KIAA1210: variants seen among roughly 807,000 people sequenced by gnomAD.
KIAA1210 encodes acrosomal protein KIAA1210.
A neutral mutation model predicts 78.9 loss-of-function variants in KIAA1210; 48 were observed. The observed-to-expected ratio is 0.61, with a 90% CI of 0.48 to 0.77. The LOEUF (loss-of-function observed/expected upper bound fraction) is 0.77. Among genes scored for constraint, KIAA1210 ranks in the 30% least tolerant of loss-of-function variants. The pLI is 0.00. For missense variants in KIAA1210, 1,108 were observed against 1,100.0 expected (o/e 1.01, Z -0.10); for synonymous variants, 406 against 404.5 (o/e 1.00, Z -0.04).
intron 2 of KIAA1210, among the ~76,000 whole-genome samples, chrX:119,145,329 C>T (rs949424351): frequency 2.0e-4 from 22 of 110,667 alleles, no homozygotes. Flanking sequence ...TGTTTAGCCG[C>T]GTCCCTGGGC....
intron 2 of KIAA1210, among the ~76,000 whole-genome samples, chrX:119,143,137 C>A (rs977718079): frequency 1.8e-5 from 2 of 112,625 alleles, no homozygotes; most frequent in African/African-American, 6.5e-5. Flanking sequence ...TGCTAATGAC[C>A]TGTGTTCCCT....
intron 2 of KIAA1210, among the ~76,000 whole-genome samples, chrX:119,121,946 T>C (rs1928474603): frequency 9.4e-6 from 1 of 106,906 alleles, no homozygotes; most frequent in African/African-American, 3.3e-5. Flanking sequence ...TTTTTTGTAT[T>C]TTTAATAGAG....
rs748816181 is a variant in KIAA1210 at position 119,086,596 on chromosome X, C to T, written c.4106G>A (p.Arg1369Lys). Residue 1369 changes from arginine to lysine, a missense_variant, in exon 9 of 12, where the codon AGG becomes AAG. This residue lies in a region of KIAA1210 where 245 missense variants were observed against 278.8 expected (regional missense o/e 0.88). Coordinates refer to ENST00000691062, the MANE Select transcript of KIAA1210 (RefSeq NM_001394962.1). ...CTTGGCCATGCTTTCAGATTTGGGCCTGCTCTGTTGCTTATCTGCAACGTA... is the reference window on the plus strand; with the variant it reads ...CTTGGCCATGCTTTCAGATTTGGGCTTGCTCTGTTGCTTATCTGCAACGTA... ...ISYVADKQQS[R>K]PKSESMAKKQ... 5.0e-6 allele frequency: 6 copies of T among 1,210,464 alleles called. No individual in the cohort carries two copies. The highest frequency in any genetic ancestry group is 6.7e-6 in the Non-Finnish European group (6 of 895,106).
rs1926902203 is a variant in KIAA1210 at position 119,080,219 on chromosome X, A to G, written c.*1110T>C. ...TGATGGACTAACCCTCCAGAGGAGTAAGATAATTCCCAAGAAGCATTCTGC... is the reference window on the plus strand; with the variant it reads ...TGATGGACTAACCCTCCAGAGGAGTGAGATAATTCCCAAGAAGCATTCTGC... On this transcript the variant is annotated 3_prime_UTR_variant, in exon 12 of 12. Transcript: ENST00000691062. 1 of 111,849 alleles carries G rather than the reference A, an allele frequency of 8.9e-6. No individual in the cohort carries two copies. The highest frequency in any genetic ancestry group is 3.3e-5 in the African/African-American group (1 of 30,730). 9.2% of individuals were successfully genotyped at this position (111,849 alleles called of 1,213,427 possible).
intron 6 of KIAA1210, among the ~76,000 whole-genome samples, chrX:119,101,065 T>G (rs1927723814): frequency 8.9e-6 from 1 of 112,374 alleles, no homozygotes; most frequent in African/African-American, 3.2e-5. Flanking sequence ...AGTAGAGAGC[T>G]GGACACTCTT....
At chrX:119,147,392 G>A in intron 2 of KIAA1210, 1 of 1,131,057 alleles carries the variant, frequency 8.8e-7, no homozygotes, top group African/African-American at 1.8e-5. Context: ...TGCAGCCAAG[G>A]GGAGCAGGCT....
At chrX:119,108,965 T>A in intron 4 of KIAA1210, 111 bp downstream of exon 4, 2 of 781,194 alleles carry the variant, frequency 2.6e-6, no homozygotes, top group East Asian at 6.5e-5. Flanking sequence ...GGGGGTAGGA[T>A]CAGCTGAGAA....
rs1186985307 is a variant in KIAA1210 at position 119,081,196 on chromosome X, G to A, written c.*133C>T. ...GCGGGAGAGTGGCGTGAACCCGGGA[G>A]GCGGAGCTTGCAGTGAGCGGAGATC... On this transcript the variant is annotated 3_prime_UTR_variant, in exon 12 of 12. Coordinates refer to ENST00000691062, the MANE Select transcript of KIAA1210 (RefSeq NM_001394962.1). The A allele has an allele frequency of 4.5e-6, 2 of 445,830 alleles. No homozygotes were observed. Among genetic ancestry groups the A allele is most frequent in the Non-Finnish European group, 6.7e-6 (2 of 298,147 alleles). 36.7% of individuals were successfully genotyped at this position (445,830 alleles called of 1,213,427 possible).
Position 119,089,765 on chromosome X carries a change from A to C in KIAA1210, c.956-19T>G. The C allele has an allele frequency of 8.6e-7, 1 of 1,161,446 alleles. No individual in the cohort carries two copies. The highest frequency in any genetic ancestry group is 1.2e-6 in the Non-Finnish European group (1 of 867,531). On this transcript the variant is annotated intron_variant, in intron 8 of 11. Transcript: ENST00000691062. ...GAGGAATCTGCACCAAACAGAAATAAGGAAAGGAGAAATATGTGTGACTTT... is the reference window on the plus strand; with the variant it reads ...GAGGAATCTGCACCAAACAGAAATACGGAAAGGAGAAATATGTGTGACTTT...
chrX:119,093,935 A>T, intron 7 of KIAA1210, 160 bp from the exon 8 acceptor site: 1 of 944,372 alleles, frequency 1.1e-6, no homozygotes, highest in African/African-American at 1.9e-5. Context: ...ATTTCCAGGG[A>T]TTTCTTAATG....
intron 6 of KIAA1210, 134 bp from the exon 7 acceptor site, chrX:119,096,825 C>T (rs1394918979): frequency 8.7e-6 from 4 of 461,086 alleles, no homozygotes; most frequent in Non-Finnish European, 1.4e-5. Context: ...CCTACATTTC[C>T]TGTCAATGGG....
chrX:119,081,719 T>C (rs1226742710), intron 11 of KIAA1210, among the ~76,000 whole-genome samples: 1 of 112,130 alleles, frequency 8.9e-6, no homozygotes, highest in African/African-American at 3.2e-5. Flanking sequence ...TAAAATCAAC[T>C]TGGCTATGGC....
At chrX:119,145,514 A>C (rs1434445951) in intron 2 of KIAA1210, among the ~76,000 whole-genome samples, 2 of 110,872 alleles carry the variant, frequency 1.8e-5, no homozygotes, top group African/African-American at 6.6e-5. Flanking sequence ...ATAGCATGCA[A>C]CAGGGGCCTG....
chrX:119,148,465 C>A (rs908247353), intron 1 of KIAA1210, among the ~76,000 whole-genome samples: 1 of 111,800 alleles, frequency 8.9e-6, no homozygotes, highest in Non-Finnish European at 1.9e-5. Context: ...TTTAAAAGTT[C>A]TTTTGCTTTG....
At position 119,078,916 on chromosome X, in the gene KIAA1210, C is replaced by A. The variant is rs1235792458; in HGVS notation, c.*2413G>T. ...TGTTATTGGAGAGTTCTCAGAGTGACAATAACTGAATACAGGTTCACTGTA... is the reference window on the plus strand; with the variant it reads ...TGTTATTGGAGAGTTCTCAGAGTGAAAATAACTGAATACAGGTTCACTGTA... On this transcript the variant is annotated 3_prime_UTR_variant, in exon 12 of 12. Transcript: ENST00000691062. 1 of 110,855 alleles carries A rather than the reference C, an allele frequency of 9.0e-6. No homozygotes were observed. Among genetic ancestry groups the A allele is most frequent in the Non-Finnish European group, 1.9e-5 (1 of 52,930 alleles). The allele number at this position is 110,855 out of a possible 1,213,427, so 9.1% of individuals were successfully genotyped here.
In KIAA1210 at chrX:119,079,333, C is replaced by T. The variant is rs1361651377; in HGVS notation, c.*1996G>A. 1 of 112,013 alleles carries T rather than the reference C, an allele frequency of 8.9e-6. No homozygotes were observed. Among genetic ancestry groups the T allele is most frequent in the Non-Finnish European group, 1.9e-5 (1 of 53,213 alleles). The allele number at this position is 112,013 out of a possible 1,213,427, so 9.2% of individuals were successfully genotyped here. On this transcript the variant is annotated 3_prime_UTR_variant, in exon 12 of 12. Coordinates refer to ENST00000691062, the MANE Select transcript of KIAA1210 (RefSeq NM_001394962.1). ...GTAACAGAGGCAGACACAGTGATAA[C>T]TACTCAGAAGTCACTTCTGGGTCTC...
At chrX:119,114,119 A>G (rs1472216574) in intron 3 of KIAA1210, among the ~76,000 whole-genome samples, 2 of 111,878 alleles carry the variant, frequency 1.8e-5, no homozygotes, top group Admixed American at 9.5e-5. Context: ...AAATCTTCAA[A>G]TGGTAACTAG....
chrX:119,148,252 G>T (rs1385636619), intron 1 of KIAA1210, among the ~76,000 whole-genome samples: 1 of 111,807 alleles, frequency 8.9e-6, no homozygotes, highest in Non-Finnish European at 1.9e-5. Flanking sequence ...TATGCTTTTG[G>T]TCTACTACTC....
At chrX:119,146,921 G>C (rs773501512) in intron 2 of KIAA1210, among the ~76,000 whole-genome samples, 7 of 111,054 alleles carry the variant, frequency 6.3e-5, no homozygotes, top group African/African-American at 2.3e-4. Flanking sequence ...AAAGAAGGGA[G>C]GGAGAGAAGG....
Sources: allele counts gnomAD v4.1 joint callset (sites outside exome capture counted in the v4.1 genomes callset), GRCh38; gene constraint gnomAD v4.1.1; regional missense constraint gnomAD v4.1.1; transcripts MANE v1.5; gene names NCBI Gene and HGNC (gene_info 2026-07-23, HGNC 2026-07-21).